Variants in CTTNBP2 observed in about 807,000 individuals in gnomAD.
The protein encoded by CTTNBP2 is cortactin-binding protein 2.
Under a neutral mutation model 156.9 loss-of-function variants are expected in CTTNBP2, and 108 were observed. The ratio of observed to expected loss-of-function variants is 0.69; its 90% CI spans 0.59 to 0.81. The LOEUF is 0.81. Among genes scored for constraint, CTTNBP2 ranks in the 30% least tolerant of loss-of-function variants. The probability of loss-of-function intolerance (pLI) is 0.00; values close to 1 mark genes in which losing one functional copy is unlikely to be tolerated. For synonymous variants in CTTNBP2, 767 were observed against 751.8 expected (o/e 1.02, Z -0.33); for missense variants, 1,924 against 2,035.4 (o/e 0.95, Z 1.05).
At chr7:117,864,596 A>G (rs1209532220) in intron 1 of CTTNBP2, among the ~76,000 whole-genome samples, 1 of 109,426 alleles carries the variant, frequency 9.1e-6, no homozygotes, top group Non-Finnish European at 2.3e-5. Context: ...TAACCCCAGA[A>G]GCAAAAATTC....
chr7:117,722,247 T>G (rs1301441272), intron 19 of CTTNBP2, among the ~76,000 whole-genome samples: 3 of 142,544 alleles, frequency 2.1e-5, no homozygotes, highest in African/African-American at 8.5e-5. Context: ...GCAAAAGGAT[T>G]CCTGTGTTGG....
rs182280010 is a variant in CTTNBP2, at chr7:117,718,893, G to A, written c.4644+611C>T. Among the ~76,000 whole-genome samples the A allele has an allele frequency of 2.3e-3, 352 of 152,234 alleles. 3 individuals are homozygous for A. Among genetic ancestry groups the A allele is most frequent in the Admixed American group, 0.013 (202 of 15,286 alleles). Reference sequence around the variant, plus strand: ...AAATATCTGAGGAAACTCAAATTTAGGCTTATATAAAAAGCTGCCCAGGCT... The same window carrying A: ...AAATATCTGAGGAAACTCAAATTTAAGCTTATATAAAAAGCTGCCCAGGCT... On this transcript the variant is annotated intron_variant, in intron 21 of 22. Coordinates refer to ENST00000160373, the MANE Select transcript of CTTNBP2 (RefSeq NM_033427.3).
At chr7:117,786,859 G>A (rs557316252) in intron 4 of CTTNBP2, among the ~76,000 whole-genome samples, 26 of 152,062 alleles carry the variant, frequency 1.7e-4, no homozygotes, top group Non-Finnish European at 2.6e-4. Context: ...TAAGTTATCC[G>A]AAAGACAAAT....
At position 117,760,694 on chromosome 7, in the gene CTTNBP2, G is replaced by T; in HGVS notation, c.2913C>A (p.Pro971=). Residue 971 remains proline, a synonymous_variant, in exon 10 of 23, where the codon CCC becomes CCA. Coordinates refer to ENST00000160373, the MANE Select transcript of CTTNBP2 (RefSeq NM_033427.3). Reference sequence around the variant, plus strand: ...CAATCTCACCCACTGAAATCCTTAAGGGTATTTTAAGAGCATCTGTTAGAA... The same window carrying T: ...CAATCTCACCCACTGAAATCCTTAATGGTATTTTAAGAGCATCTGTTAGAA... ...LLENLNALKI[P]LRISVGEIEP... The T allele has an allele frequency of 6.2e-7, 1 of 1,610,036 alleles. No individual in the cohort carries two copies. The highest frequency in any genetic ancestry group is 1.1e-5 in the South Asian group (1 of 91,016).
In CTTNBP2 at chr7:117,791,137, T is replaced by G. The variant is rs769543012; in HGVS notation, c.2059A>C (p.Thr687Pro). The change falls in exon 4 of 23, where the codon ACA (threonine) becomes CCA (proline). Residue 687 changes from threonine (T) to proline (P), a missense_variant. Transcript: ENST00000160373. ...ATTTCAATCCCTTTACCTGATGCTG[T>G]TACCAGGAGGCTGTCTGAGGCACCT... The part of the protein sequence containing the change: ...RPGASDSLLV[T>P]ASGWSPSLTP... 1 of 1,613,092 alleles carries G rather than the reference T, an allele frequency of 6.2e-7. No homozygotes were observed. The highest frequency in any genetic ancestry group is 8.5e-7 in the Non-Finnish European group (1 of 1,179,236).
At chr7:117,810,099 A>G (rs1393157350) in intron 3 of CTTNBP2, among the ~76,000 whole-genome samples, 2 of 152,048 alleles carry the variant, frequency 1.3e-5, no homozygotes, top group Non-Finnish European at 2.9e-5. Context: ...AGTGAAAGGA[A>G]TATGTGTGTG....
chr7:117,745,846 G>T lies in CTTNBP2; in HGVS notation c.3520C>A (p.Leu1174Met). ...AGFSKEQLLD[L>M]FISSACLIPV... ...ATGTTCTTACCGCTACTAATGAACA[G>T]GTCTAGTAGCTGTTCCTTGGAAAAA... is the stretch of plus-strand genomic sequence containing the variant. The change falls in exon 14 of 23, where the codon CTG becomes ATG. Residue 1174 changes from leucine to methionine, a missense_variant. By Grantham distance (15) the Leu-to-Met change is conservative. Coordinates refer to ENST00000160373, the MANE Select transcript of CTTNBP2 (RefSeq NM_033427.3). The T allele has an allele frequency of 6.2e-7, 1 of 1,611,620 alleles. No individual in the cohort carries two copies. Among genetic ancestry groups the T allele is most frequent in the Non-Finnish European group, 8.5e-7 (1 of 1,177,686 alleles).
chr7:117,760,444 T>C lies in CTTNBP2; in HGVS notation c.3163A>G (p.Ile1055Val), dbSNP rs1460619597. The change falls in exon 10 of 23, where the codon ATC (isoleucine) becomes GTC (valine). Residue 1055 changes from isoleucine (I) to valine (V), a missense_variant. By Grantham distance (29) the Ile-to-Val change is conservative. Coordinates refer to ENST00000160373, the MANE Select transcript of CTTNBP2 (RefSeq NM_033427.3). ...IGLSARSIRS[I>V]TLGNVPWSVG... Reference sequence around the variant, plus strand: ...ATAGGACTGCTGATACCTAGCGTGATGGATCGTATGCTTCTTGCACTGAGG... The same window carrying C: ...ATAGGACTGCTGATACCTAGCGTGACGGATCGTATGCTTCTTGCACTGAGG... The C allele has an allele frequency of 3.1e-6, 5 of 1,613,756 alleles. No homozygotes were observed. The East Asian group carries it at 1.1e-4, about 36-fold the overall frequency.
At chr7:117,809,785 G>C (rs1316024112) in intron 3 of CTTNBP2, among the ~76,000 whole-genome samples, 10 of 152,154 alleles carry the variant, frequency 6.6e-5, no homozygotes, top group African/African-American at 2.4e-4. Context: ...TATAAGTATA[G>C]TGCATTCAGG....
At chr7:117,863,907 G>A (rs913012433) in intron 1 of CTTNBP2, among the ~76,000 whole-genome samples, 6 of 152,154 alleles carry the variant, frequency 3.9e-5, no homozygotes, top group Admixed American at 2.0e-4. Context: ...ACTGAGATGG[G>A]AGAGTAAGCT....
At chr7:117,855,004 C>A (rs569042614) in intron 2 of CTTNBP2, among the ~76,000 whole-genome samples, 34 of 150,774 alleles carry the variant, frequency 2.3e-4, no homozygotes, top group African/African-American at 7.6e-4. Flanking sequence ...AGGCTGGTCT[C>A]GAACTCCTGA....
At chr7:117,714,399 C>T (rs1376713354) in intron 22 of CTTNBP2, 6 of 152,278 alleles carry the variant, frequency 3.9e-5, no homozygotes, top group South Asian at 2.1e-4. Flanking sequence ...GCAACACATA[C>T]GTAGTATTCA....
chr7:117,776,873 C>T (rs961775936), intron 8 of CTTNBP2, among the ~76,000 whole-genome samples: 1 of 152,190 alleles, frequency 6.6e-6, no homozygotes, highest in Non-Finnish European at 1.5e-5. Flanking sequence ...AAAAGTGATC[C>T]TTGCAAATGT....
chr7:117,743,036 G>A (rs1224567877), intron 14 of CTTNBP2, among the ~76,000 whole-genome samples: 1 of 152,214 alleles, frequency 6.6e-6, no homozygotes, highest in African/African-American at 2.4e-5. Flanking sequence ...CTGCCAATGA[G>A]ATCTGAGTTT....
Position 117,792,820 on chromosome 7 carries a change from G to T in CTTNBP2, c.415-39C>A, listed in dbSNP as rs1346269994. 1 of 1,360,318 alleles carries T rather than the reference G, an allele frequency of 7.4e-7. No homozygotes were observed. Among genetic ancestry groups the T allele is most frequent in the African/African-American group, 1.5e-5 (1 of 68,202 alleles). 84.3% of individuals were successfully genotyped at this position (1,360,318 alleles called of 1,614,324 possible). A position where few individuals can be genotyped will look rare whatever the true frequency, so the allele number is the denominator to read the frequency against. ...ACAGGAAAACCCTGATTAATATACA[G>T]AATTTTCTTTTCACCAAGGAAATGC... On this transcript the variant is annotated intron_variant, in intron 3 of 22. Transcript: ENST00000160373. This position sits in a 1 kb window ranked among gnomAD's most constrained non-coding sequence, Gnocchi z 4.2.
intron 14 of CTTNBP2, among the ~76,000 whole-genome samples, chr7:117,742,704 G>A (rs1429198926): frequency 6.6e-6 from 1 of 152,208 alleles, no homozygotes. Context: ...ACTGTGGGAC[G>A]AGGGTGAGGG....
chr7:117,792,311 C>T lies in CTTNBP2; in HGVS notation c.885G>A (p.Val295=). 1 of 1,614,180 alleles carries T rather than the reference C, an allele frequency of 6.2e-7. No homozygotes were observed. The highest frequency in any genetic ancestry group is 8.5e-7 in the Non-Finnish European group (1 of 1,180,024). ...TKDRRLVSIS[V]GTEGTVTRSV... ...ACCTTGTCACAGTTCCTTCTGTTCCCACAGATATGGAAACCAAACGCCTAT... is the reference window on the plus strand; with the variant it reads ...ACCTTGTCACAGTTCCTTCTGTTCCTACAGATATGGAAACCAAACGCCTAT... The change falls in exon 4 of 23, where the codon GTG becomes GTA. Residue 295 remains valine (V), a synonymous_variant. Coordinates refer to ENST00000160373, the MANE Select transcript of CTTNBP2 (RefSeq NM_033427.3). The surrounding 1 kb of genome is among the most constrained non-coding windows in gnomAD (Gnocchi z 4.2).
intron 2 of CTTNBP2, among the ~76,000 whole-genome samples, chr7:117,857,259 G>A (rs1469002110): frequency 3.3e-5 from 5 of 152,110 alleles, no homozygotes; most frequent in Admixed American, 3.3e-4. Context: ...ATGCAATTCA[G>A]ATTTTTCCAT....
intron 2 of CTTNBP2, among the ~76,000 whole-genome samples, chr7:117,843,095 T>G (rs1266957225): frequency 2.0e-5 from 3 of 152,364 alleles, no homozygotes; most frequent in Non-Finnish European, 4.4e-5. Context: ...TACAAACTTC[T>G]TGTAATTATT....
Sources: allele counts gnomAD v4.1 joint callset (sites outside exome capture counted in the v4.1 genomes callset), GRCh38; gene constraint gnomAD v4.1.1; non-coding constraint Gnocchi (gnomAD v3.1); transcripts MANE v1.5; gene names NCBI Gene and HGNC (gene_info 2026-07-23, HGNC 2026-07-21).